The following COL23A1 variants were observed in gnomAD, a reference collection of about 807,000 sequenced individuals.
COL23A1 encodes the protein collagen alpha-1(XXIII) chain.
COL23A1 carries 97 observed loss-of-function variants against 99.3 expected under a neutral mutation model. The observed-to-expected ratio is 0.98, with a 90% CI of 0.83 to 1.16. The LOEUF (loss-of-function observed/expected upper bound fraction) is 1.16. COL23A1 is among the 50% of genes most tolerant of loss of function. The probability of loss-of-function intolerance (pLI) is 0.00; values close to 1 mark genes in which losing one functional copy is unlikely to be tolerated. For missense variants in COL23A1, 762 were observed against 757.4 expected (o/e 1.01, Z -0.07); for synonymous variants, 320 against 308.2 (o/e 1.04, Z -0.40).
chr5:178,391,129 T>A (rs898384744), intron 2 of COL23A1, among the ~76,000 whole-genome samples: 15 of 152,178 alleles, frequency 9.9e-5, no homozygotes, highest in African/African-American at 3.6e-4. Flanking sequence ...AACCCTATTG[T>A]GAACTATGCA....
rs1764209135 is a variant in COL23A1 at position 178,238,132 on chromosome 5, C to A, written c.*566G>T. The A allele has an allele frequency of 6.5e-6, 1 of 154,096 alleles. No homozygotes were observed. 9.5% of individuals were successfully genotyped at this position (154,096 alleles called of 1,614,324 possible). On this transcript the variant is annotated 3_prime_UTR_variant, in exon 29 of 29. Transcript: ENST00000390654. ...CCTCCTGAATGTGGTAGAGCTAGAC[C>A]CTCGTGGGGGATTTCCACTCACTGC...
At position 178,455,591 on chromosome 5, in the gene COL23A1, T is replaced by C. The variant is rs550835367; in HGVS notation, c.361+105091A>G. On this transcript the variant is annotated intron_variant, in intron 2 of 28. Coordinates refer to ENST00000390654, the MANE Select transcript of COL23A1 (RefSeq NM_173465.4). ...GCTGACCAAGCGAGAATCACGGGAGTCCCCCTGCATCAGCCTCCACATCCA... is the reference window on the plus strand; with the variant it reads ...GCTGACCAAGCGAGAATCACGGGAGCCCCCCTGCATCAGCCTCCACATCCA... 5.9e-5 allele frequency among the ~76,000 whole-genome samples: 9 copies of C among 151,502 alleles called. No individual in the cohort carries two copies. In the South Asian group the frequency reaches 1.9e-3, roughly 32 times the overall value.
At chr5:178,441,733 C>T (rs1051126256) in intron 2 of COL23A1, among the ~76,000 whole-genome samples, 2 of 152,080 alleles carry the variant, frequency 1.3e-5, no homozygotes, top group African/African-American at 4.8e-5. Flanking sequence ...GGGGTGATGA[C>T]GCGGGGTGGG....
chr5:178,419,282 T>C lies in COL23A1; in HGVS notation c.362-112363A>G, dbSNP rs114111709. 3.5e-3 allele frequency among the ~76,000 whole-genome samples: 530 copies of C among 152,262 alleles called. 6 individuals carry two copies. The highest frequency in any genetic ancestry group is 0.012 in the African/African-American group (504 of 41,546). ...AACTCTGTTCTCGTCAAGGTTGACA[T>C]TGGTCTAACGTTAAGCCGAAGAGCC... On this transcript the variant is annotated intron_variant, in intron 2 of 28. Coordinates refer to ENST00000390654, the MANE Select transcript of COL23A1 (RefSeq NM_173465.4).
At chr5:178,288,462 T>C in intron 4 of COL23A1, 112 bp from the exon 5 acceptor site, 3 of 916,166 alleles carry the variant, frequency 3.3e-6, no homozygotes, top group Non-Finnish European at 5.5e-6. Context: ...AGCTGGTTGG[T>C]GACTTCCTCT....
intron 2 of COL23A1, among the ~76,000 whole-genome samples, chr5:178,379,831 A>T (rs1264703023): frequency 6.6e-6 from 1 of 151,638 alleles, no homozygotes; most frequent in Non-Finnish European, 1.5e-5. Flanking sequence ...CGGTGAGCAG[A>T]GGTCACGCCA....
chr5:178,569,404 G>T (rs1269467781), intron 1 of COL23A1, among the ~76,000 whole-genome samples: 1 of 152,188 alleles, frequency 6.6e-6, no homozygotes, highest in East Asian at 1.9e-4. Context: ...ACATCATCTT[G>T]AACGTTGGTG....
chr5:178,522,092 C>T (rs1271055898), intron 2 of COL23A1, among the ~76,000 whole-genome samples: 1 of 152,124 alleles, frequency 6.6e-6, no homozygotes, highest in Non-Finnish European at 1.5e-5. Context: ...AGGATTCTTC[C>T]AGTCTGTCTA....
At chr5:178,273,148 G>A (rs943955935) in intron 5 of COL23A1, among the ~76,000 whole-genome samples, 4 of 152,240 alleles carry the variant, frequency 2.6e-5, no homozygotes, top group Non-Finnish European at 5.9e-5. Flanking sequence ...CCCCCTGGAT[G>A]TGAAGCACGC....
At chr5:178,556,452 G>A (rs1482332865) in intron 2 of COL23A1, among the ~76,000 whole-genome samples, 3 of 151,482 alleles carry the variant, frequency 2.0e-5, no homozygotes, top group Non-Finnish European at 4.4e-5. Flanking sequence ...GTGAAACCCC[G>A]TCTCTAATAA....
chr5:178,412,313 T>C (rs541447790), intron 2 of COL23A1, among the ~76,000 whole-genome samples: 31 of 152,334 alleles, frequency 2.0e-4, no homozygotes, highest in African/African-American at 7.5e-4. Flanking sequence ...TCTGTAAGGA[T>C]ATATAATAAT....
chr5:178,379,850 C>T (rs1763282444), intron 2 of COL23A1, among the ~76,000 whole-genome samples: 1 of 148,856 alleles, frequency 6.7e-6, no homozygotes, highest in Admixed American at 6.7e-5. Flanking sequence ...CATTGCACTC[C>T]AGCCTGGGCA....
Position 178,246,418 on chromosome 5 carries a change from C to A in COL23A1, c.1332G>T (p.Ser444=). ...LDGAKGEKGA[S]GERGPSGLPG... Reference sequence around the variant, plus strand: ...GCAGGCCGCTGGGGCCTCTCTCACCCGACGCACCCTTCTCTCCCTTTGCTC... The same window carrying A: ...GCAGGCCGCTGGGGCCTCTCTCACCAGACGCACCCTTCTCTCCCTTTGCTC... The change falls in exon 23 of 29, where the codon TCG becomes TCT. Residue 444 remains serine, a synonymous_variant. Coordinates refer to ENST00000390654, the MANE Select transcript of COL23A1 (RefSeq NM_173465.4). 1 of 1,579,730 alleles carries A rather than the reference C, an allele frequency of 6.3e-7. No individual in the cohort carries two copies. Among genetic ancestry groups the A allele is most frequent in the Non-Finnish European group, 8.6e-7 (1 of 1,162,024 alleles).
Position 178,316,825 on chromosome 5 carries a change from A to G in COL23A1, c.362-9906T>C, listed in dbSNP as rs112602627. On this transcript the variant is annotated intron_variant, in intron 2 of 28. Coordinates refer to ENST00000390654, the MANE Select transcript of COL23A1 (RefSeq NM_173465.4). ...TCTAGTTTCAAGGTAGTGGACTGCA[A>G]CATTGAAGTCTGTGGACTTCTTTGC... 1.0e-3 allele frequency among the ~76,000 whole-genome samples: 159 copies of G among 151,826 alleles called. 2 individuals carry two copies. In the South Asian group the frequency reaches 0.022, roughly 21 times the overall value.
intron 1 of COL23A1, among the ~76,000 whole-genome samples, chr5:178,588,942 G>C (rs151106523): frequency 6.6e-6 from 1 of 152,188 alleles, no homozygotes; most frequent in Non-Finnish European, 1.5e-5. Context: ...GTCTGGAGCA[G>C]CCATCTATCC....
At chr5:178,547,561 ACCCC>A (rs1562076629) in intron 2 of COL23A1, among the ~76,000 whole-genome samples, 1 of 47,836 alleles carries the variant, frequency 2.1e-5, no homozygotes, top group Non-Finnish European at 3.7e-5. Context: ...CCCCATACAC[ACCCC>A]CACACACACC....
chr5:178,326,922 G>A (rs1273068727), intron 2 of COL23A1, among the ~76,000 whole-genome samples: 1 of 152,202 alleles, frequency 6.6e-6, no homozygotes, highest in African/African-American at 2.4e-5. Context: ...GTTTCACCAT[G>A]CTGGTCAGGC....
In COL23A1 at chr5:178,262,211, A is replaced by G; in HGVS notation, c.675+6T>C. The G allele has an allele frequency of 6.3e-7, 1 of 1,581,644 alleles. No individual in the cohort carries two copies. Among genetic ancestry groups the G allele is most frequent in the Admixed American group, 1.8e-5 (1 of 54,800 alleles). On this transcript the variant is annotated splice_donor_region_variant and intron_variant, in intron 10 of 28. Coordinates refer to ENST00000390654, the MANE Select transcript of COL23A1 (RefSeq NM_173465.4). Reference sequence around the variant, plus strand: ...CCCAGGCCTCTGGAATGCCCTGGATACTGACCATCTCGCCGTCTTGTCCGG... The same window carrying G: ...CCCAGGCCTCTGGAATGCCCTGGATGCTGACCATCTCGCCGTCTTGTCCGG...
intron 2 of COL23A1, among the ~76,000 whole-genome samples, chr5:178,417,451 GC>G (rs1330740602): frequency 6.6e-6 from 1 of 152,056 alleles, no homozygotes. Context: ...GCAGAGCTGT[GC>G]TTCCGATCAC....
Sources: allele counts gnomAD v4.1 joint callset (sites outside exome capture counted in the v4.1 genomes callset), GRCh38; gene constraint gnomAD v4.1.1; transcripts MANE v1.5; gene names NCBI Gene and HGNC (gene_info 2026-07-23, HGNC 2026-07-21).